FAM229B: variants seen among roughly 807,000 people sequenced by gnomAD.
The protein encoded by FAM229B is family with sequence similarity 229 member B, also known as protein FAM229B.
FAM229B carries 2 observed loss-of-function variants against 6.7 expected under a neutral mutation model. The ratio of observed to expected loss-of-function variants is 0.30; its 90% CI spans 0.12 to 0.94. FAM229B has a LOEUF of 0.94. Ranked by LOEUF, FAM229B falls within the 40% of genes least tolerant of loss-of-function variation. The pLI is 0.54. For missense variants in FAM229B, 93 were observed against 96.2 expected (o/e 0.97, Z 0.14); for synonymous variants, 29 against 34.0 (o/e 0.85, Z 0.51).
chr6:112,096,522 C>G (rs1777327973), intron 1 of FAM229B, among the ~76,000 whole-genome samples: 1 of 152,148 alleles, frequency 6.6e-6, no homozygotes, highest in Non-Finnish European at 1.5e-5. Context: ...CACCACTGCA[C>G]TCCAGCCTGG....
At chr6:112,090,076 A>G (rs1199676974) in intron 1 of FAM229B, among the ~76,000 whole-genome samples, 2 of 152,218 alleles carry the variant, frequency 1.3e-5, no homozygotes, top group Admixed American at 6.5e-5. Flanking sequence ...ACTCATCTAT[A>G]TAGCACATTC....
At chr6:112,092,049 T>A (rs970418564) in intron 1 of FAM229B, among the ~76,000 whole-genome samples, 44 of 152,090 alleles carry the variant, frequency 2.9e-4, no homozygotes, top group African/African-American at 9.4e-4. Context: ...ACAAAAAGAT[T>A]TTTTTAAAAA....
rs1322860844 is a variant in FAM229B, at chr6:112,094,889, G to T, written c.-175-2152G>T. On this transcript the variant is annotated intron_variant, in intron 1 of 3. Coordinates refer to ENST00000368656, the MANE Select transcript of FAM229B (RefSeq NM_001033564.3). ...TTTATTCACCATTTGCATTGCTCTTGTTTATCTATTGCTTTATGAAAATAT... is the reference window on the plus strand; with the variant it reads ...TTTATTCACCATTTGCATTGCTCTTTTTTATCTATTGCTTTATGAAAATAT... Among the ~76,000 whole-genome samples, 3 of 152,068 alleles carry T rather than the reference G, an allele frequency of 2.0e-5. 1 individual carries two copies. The highest frequency in any genetic ancestry group is 3.8e-4 in the East Asian group (2 of 5,198).
At chr6:112,093,789 G>GAAACATTT (rs1187836614) in intron 1 of FAM229B, among the ~76,000 whole-genome samples, 2 of 151,778 alleles carry the variant, frequency 1.3e-5, no homozygotes, top group African/African-American at 4.8e-5. Context: ...AAGTATGTGT[G>GAAACATTT]AAACATTTAC....
intron 3 of FAM229B, among the ~76,000 whole-genome samples, chr6:112,099,669 A>G (rs1475024957): frequency 1.3e-5 from 2 of 152,202 alleles, no homozygotes; most frequent in African/African-American, 4.8e-5. Context: ...CAAAAACACA[A>G]TTACCTTTGC....
At chr6:112,097,364 T>A (rs923043083) in intron 2 of FAM229B, among the ~76,000 whole-genome samples, 163 bp downstream of exon 2, 2 of 152,368 alleles carry the variant, frequency 1.3e-5, no homozygotes, top group South Asian at 4.1e-4. Context: ...CATATTCAAA[T>A]TTTTAAACCT....
chr6:112,100,815 A>G lies in FAM229B; in HGVS notation c.*28A>G. 1 of 1,544,202 alleles carries G rather than the reference A, an allele frequency of 6.5e-7. No homozygotes were observed. Among genetic ancestry groups the G allele is most frequent in the African/African-American group, 1.4e-5 (1 of 73,596 alleles). ...CCATTAAGTCTTTTGTCAAGGTCTG[A>G]CTAGGTCAAGGGTAATGGACCAGTA... On this transcript the variant is annotated 3_prime_UTR_variant, in exon 4 of 4. Transcript: ENST00000368656.
intron 2 of FAM229B, 70 bp from the exon 3 acceptor site, chr6:112,099,200 C>A: frequency 1.5e-6 from 2 of 1,351,848 alleles, no homozygotes; most frequent in South Asian, 1.3e-5. Context: ...TCTTTGAAGA[C>A]AATCTATCTC....
intron 1 of FAM229B, among the ~76,000 whole-genome samples, chr6:112,096,578 T>G (rs1054095863): frequency 1.3e-5 from 2 of 152,054 alleles, no homozygotes; most frequent in African/African-American, 2.4e-5. Flanking sequence ...AAAAAAGATG[T>G]ATTCTTCCTT....
rs146621216 is a variant in FAM229B at position 112,101,799 on chromosome 6, C to T, written c.*1012C>T. The T allele has an allele frequency of 8.7e-4, 132 of 152,102 alleles. No homozygotes were observed. Among genetic ancestry groups the T allele is most frequent in the African/African-American group, 3.0e-3 (126 of 41,482 alleles). 9.4% of individuals were successfully genotyped at this position (152,102 alleles called of 1,614,324 possible). On this transcript the variant is annotated 3_prime_UTR_variant, in exon 4 of 4. Transcript: ENST00000368656. ...GTTTATTAACTTATAATTAAATAGA[C>T]GTAGATGCATATGTGTTGCATTAGG... is the stretch of plus-strand genomic sequence containing the variant.
intron 1 of FAM229B, among the ~76,000 whole-genome samples, chr6:112,093,165 A>G (rs1777279874): frequency 6.6e-6 from 1 of 152,038 alleles, no homozygotes; most frequent in Admixed American, 6.6e-5. Flanking sequence ...CACTTGGAAT[A>G]TAATAACCAA....
chr6:112,094,785 T>C (rs1304132453), intron 1 of FAM229B, among the ~76,000 whole-genome samples: 1 of 152,204 alleles, frequency 6.6e-6, no homozygotes, highest in Non-Finnish European at 1.5e-5. Context: ...CTGCATCTCA[T>C]GAATTAATAT....
At chr6:112,089,577 G>A (rs2114500240) in intron 1 of FAM229B, among the ~76,000 whole-genome samples, 1 of 152,142 alleles carries the variant, frequency 6.6e-6, no homozygotes, top group African/African-American at 2.4e-5. Flanking sequence ...AATATTTGAT[G>A]AATAAATGAA....
At chr6:112,090,004 C>T (rs1280065486) in intron 1 of FAM229B, among the ~76,000 whole-genome samples, 2 of 151,910 alleles carry the variant, frequency 1.3e-5, no homozygotes, top group African/African-American at 4.8e-5. Flanking sequence ...TTTTTAGGTA[C>T]CTAGGCATGA....
Position 112,091,437 on chromosome 6 carries a change from C to T in FAM229B, c.-176+3717C>T, listed in dbSNP as rs1276029283. ...ATAGGGCTAGGACTAATTCACATTC[C>T]CCGTATCTTGAGTGGAGAAACCTTA... On this transcript the variant is annotated intron_variant, in intron 1 of 3. Coordinates refer to ENST00000368656, the MANE Select transcript of FAM229B (RefSeq NM_001033564.3). Among the ~76,000 whole-genome samples, 2 of 152,050 alleles carry T rather than the reference C, an allele frequency of 1.3e-5. 1 individual carries two copies. The highest frequency in any genetic ancestry group is 4.8e-5 in the African/African-American group (2 of 41,386).
chr6:112,100,307 A>C (rs1235107549), intron 3 of FAM229B, among the ~76,000 whole-genome samples: 1 of 152,252 alleles, frequency 6.6e-6, no homozygotes, highest in Admixed American at 6.5e-5. Flanking sequence ...CACTCAACTA[A>C]GGTGATTTAG....
At chr6:112,091,048 TCTA>T (rs2114501717) in intron 1 of FAM229B, among the ~76,000 whole-genome samples, 1 of 142,544 alleles carries the variant, frequency 7.0e-6, no homozygotes, top group South Asian at 2.2e-4. Context: ...TAACCACCAT[TCTA>T]CTCTCTACTT....
rs1777392680 is a variant in FAM229B at position 112,101,052 on chromosome 6, T to TA, written c.*266dup. On this transcript the variant is annotated 3_prime_UTR_variant, in exon 4 of 4. Coordinates refer to ENST00000368656, the MANE Select transcript of FAM229B (RefSeq NM_001033564.3). ...CATCTTGCTCACAGTAGATCATTAA[T>TA]ATCAATAATTAAAGATGAAGCTTAA... is the stretch of plus-strand genomic sequence containing the variant. The TA allele has an allele frequency of 6.9e-6, 2 of 288,994 alleles. No homozygotes were observed. The allele number at this position is 288,994 out of a possible 1,614,324, so 17.9% of individuals were successfully genotyped here.
chr6:112,092,132 CA>C (rs1256051172), intron 1 of FAM229B, among the ~76,000 whole-genome samples: 1 of 151,802 alleles, frequency 6.6e-6, no homozygotes, highest in African/African-American at 2.4e-5. Flanking sequence ...GAGGAGGGAA[CA>C]AAAAATACTT....
Sources: gnomAD v4.1 joint callset for allele counts (sites outside exome capture counted in the v4.1 genomes callset) on GRCh38, gnomAD v4.1.1 for gene constraint, MANE v1.5 for transcripts, NCBI Gene and HGNC (gene_info 2026-07-23, HGNC 2026-07-21) for gene names.